The following MTFR1 variants were observed in gnomAD, a reference collection of about 807,000 sequenced individuals.
The protein encoded by MTFR1 is chondrocyte protein with a poly-proline region.
MTFR1 carries 28 observed loss-of-function variants against 38.8 expected under a neutral mutation model. That is an observed-to-expected ratio of 0.72 (90% CI 0.53 to 0.99). The LOEUF (loss-of-function observed/expected upper bound fraction) is 0.99, where lower values mean the gene tolerates loss of function less well. MTFR1 is among the 50% of genes least tolerant of loss of function. MTFR1 has a pLI of 0.00. For missense variants in MTFR1, 358 were observed against 395.5 expected, an observed-to-expected ratio of 0.91 and a Z score of 0.81; for synonymous variants, 145 against 137.0, an observed-to-expected ratio of 1.06 and a Z score of -0.41.
chr8:65,727,366 T>C, intron 3 of MTFR1: 1 of 1,588,464 alleles, frequency 6.3e-7, no homozygotes. Context: ...GCCATCACAG[T>C]AGTTTTGAAT....
intron 3 of MTFR1, chr8:65,739,718 C>T (rs1418790553): frequency 9.2e-7 from 1 of 1,083,694 alleles, no homozygotes; most frequent in Non-Finnish European, 1.2e-6. Context: ...CACTTTTTGT[C>T]TATCAAAAAT....
At chr8:65,662,994 GC>G (rs1185862905) in intron 1 of MTFR1, among the ~76,000 whole-genome samples, 5 of 151,942 alleles carry the variant, frequency 3.3e-5, no homozygotes, top group Non-Finnish European at 5.9e-5. Flanking sequence ...GAAGGGAGGA[GC>G]CCCTCTGCCC....
chr8:65,764,960 C>G (rs544098207), intron 3 of MTFR1, among the ~76,000 whole-genome samples: 1 of 152,174 alleles, frequency 6.6e-6, no homozygotes, highest in African/African-American at 2.4e-5. Context: ...GAACTACAAA[C>G]AGGCCCCTGT....
At chr8:65,724,731 C>T in intron 3 of MTFR1, 1 of 1,493,130 alleles carries the variant, frequency 6.7e-7, no homozygotes. Flanking sequence ...GTTTGACAGT[C>T]ACATAATTTA....
chr8:65,776,602 A>G, the MTFR1 span, among the ~76,000 whole-genome samples: 1 of 152,194 alleles, frequency 6.6e-6, no homozygotes, highest in African/African-American at 2.4e-5. Context: ...ACAGTTTTCT[A>G]TGTAGAGTTA....
rs535715750 is a variant in MTFR1 at position 65,703,928 on chromosome 8, A to G, written c.282-766A>G. Among the ~76,000 whole-genome samples the G allele has an allele frequency of 6.0e-4, 92 of 152,268 alleles. 1 individual carries two copies. Among genetic ancestry groups the G allele is most frequent in the African/African-American group, 2.0e-3 (85 of 41,564 alleles). ...AATGGTTTGTTGACTGTCTTAAAAA[A>G]TAACGCAGGGCTCGGTGGCTCATGC... On this transcript the variant is annotated intron_variant, in intron 4 of 7. Coordinates refer to ENST00000262146, the MANE Select transcript of MTFR1 (RefSeq NM_014637.4).
intron 3 of MTFR1, among the ~76,000 whole-genome samples, chr8:65,745,991 A>G (rs1334315705): frequency 1.3e-5 from 2 of 151,886 alleles, no homozygotes; most frequent in African/African-American, 2.4e-5. Flanking sequence ...GCAGTGGCAC[A>G]AACAAGACGG....
At chr8:65,673,179 C>T (rs943338650) in intron 2 of MTFR1, among the ~76,000 whole-genome samples, 11 of 152,102 alleles carry the variant, frequency 7.2e-5, no homozygotes, top group Non-Finnish European at 1.2e-4. Context: ...ATCATTGTAG[C>T]GTTAAACTGG....
At chr8:65,693,401 C>CAA (rs145531132) in intron 3 of MTFR1, among the ~76,000 whole-genome samples, 36 of 131,486 alleles carry the variant, frequency 2.7e-4, no homozygotes, top group Admixed American at 1.1e-3. Flanking sequence ...GACTTTGTCT[C>CAA]AAAAAAAAAA....
At chr8:65,742,335 C>A (rs1440903095) in intron 3 of MTFR1, among the ~76,000 whole-genome samples, 1 of 152,148 alleles carries the variant, frequency 6.6e-6, no homozygotes, top group African/African-American at 2.4e-5. Flanking sequence ...AACCAGGTGG[C>A]TTTAGGAGTG....
At chr8:65,655,969 C>CATATATATATATATATATATG in intron 1 of MTFR1, among the ~76,000 whole-genome samples, 9 of 56,470 alleles carry the variant, frequency 1.6e-4, no homozygotes, top group African/African-American at 7.1e-4. Flanking sequence ...TATATATATA[C>CATATATATATATATATATATG]CATATATATA....
chr8:65,753,413 T>C (rs1043605749), intron 3 of MTFR1, among the ~76,000 whole-genome samples: 5 of 152,176 alleles, frequency 3.3e-5, no homozygotes, highest in African/African-American at 1.2e-4. Context: ...TAAACCATAC[T>C]GGGCCCAGAG....
At chr8:65,651,725 C>T (rs926399432) in intron 1 of MTFR1, among the ~76,000 whole-genome samples, 2 of 151,842 alleles carry the variant, frequency 1.3e-5, no homozygotes, top group African/African-American at 4.8e-5. Flanking sequence ...ATTTGAAGTC[C>T]AGTTTTTTTC....
At chr8:65,774,319 A>ATTATAC (rs113839826), downstream of MTFR1, among the ~76,000 whole-genome samples, 64,046 of 151,616 alleles carry the variant, frequency 0.42, 16,942 homozygotes, top group African/African-American at 0.76. Flanking sequence ...TAGTGAGAAT[A>ATTATAC]TTATAAAAAG....
intron 3 of MTFR1, among the ~76,000 whole-genome samples, chr8:65,691,252 G>A (rs1805267185): frequency 2.6e-5 from 4 of 151,958 alleles, no homozygotes; most frequent in Admixed American, 1.3e-4. Context: ...TTCATTATTA[G>A]GTTTATTTGT....
chr8:65,668,055 G>T (rs1804442518), intron 1 of MTFR1, among the ~76,000 whole-genome samples: 1 of 151,884 alleles, frequency 6.6e-6, no homozygotes. Flanking sequence ...TTCTCACAAC[G>T]TAGACCACAA....
At position 65,739,298 on chromosome 8, in the gene MTFR1, A is replaced by C. The variant is rs72666541; in HGVS notation, c.*48+19817A>C. On this transcript the variant is annotated intron_variant, in intron 3 of 3. Coordinates refer to the MTFR1 transcript ENST00000521247. ...CACCTGTTGCTGTCTGCAGGTGCAC[A>C]AATGAGCTCACCCAGACCAGACCAA... 8.2e-4 allele frequency among the ~76,000 whole-genome samples: 125 copies of C among 152,344 alleles called. No individual in the cohort carries two copies. The Middle Eastern group carries it at 0.01, about 12-fold the overall frequency.
At chr8:65,684,952 C>T (rs767368278) in intron 3 of MTFR1, among the ~76,000 whole-genome samples, 9 of 151,986 alleles carry the variant, frequency 5.9e-5, no homozygotes, top group East Asian at 1.9e-4. Context: ...TGCTGTGAGC[C>T]GAGATCGTGC....
chr8:65,752,770 A>C (rs1253777782), intron 3 of MTFR1, among the ~76,000 whole-genome samples: 1 of 152,152 alleles, frequency 6.6e-6, no homozygotes. Context: ...AAAATCAGAC[A>C]CTCTAAACTG....
Sources: allele counts gnomAD v4.1 joint callset (sites outside exome capture counted in the v4.1 genomes callset), GRCh38; gene constraint gnomAD v4.1.1; transcripts MANE v1.5; gene names NCBI Gene and HGNC (gene_info 2026-07-23, HGNC 2026-07-21).